Variants in SCAND3 observed in about 807,000 individuals in gnomAD.
SCAND3 encodes the protein SCAN domain-containing protein 3.
chr6:28,597,060 C>T, the SCAND3 span, among the ~76,000 whole-genome samples: 1 of 152,200 alleles, frequency 6.6e-6, no homozygotes, highest in South Asian at 2.1e-4. Flanking sequence ...ACATATATTT[C>T]TTGCCCTTAA....
the SCAND3 span, among the ~76,000 whole-genome samples, chr6:28,588,313 T>C: frequency 2.6e-5 from 4 of 152,204 alleles, no homozygotes; most frequent in South Asian, 8.3e-4. This position sits in a 1 kb window ranked among gnomAD's most constrained non-coding sequence, Gnocchi z 4.1. Context: ...ACTACCTTTT[T>C]CTCATTCTGC....
chr6:28,586,738 G>A, the SCAND3 span: 2 of 1,598,224 alleles, frequency 1.3e-6, no homozygotes, highest in East Asian at 4.5e-5. This position sits in a 1 kb window ranked among gnomAD's most constrained non-coding sequence, Gnocchi z 4.4. Context: ...GACAGCTCAG[G>A]CAAAGGTTCT....
chr6:28,602,259 G>A, the SCAND3 span, among the ~76,000 whole-genome samples: 1 of 152,152 alleles, frequency 6.6e-6, no homozygotes, highest in African/African-American at 2.4e-5. Context: ...ACCCAGGCTG[G>A]AGTGCAGTGG....
the SCAND3 span, among the ~76,000 whole-genome samples, chr6:28,598,876 C>CAAAAAA: frequency 4.0e-5 from 3 of 74,290 alleles, no homozygotes; most frequent in Non-Finnish European, 5.5e-5. Flanking sequence ...GACTATGTCT[C>CAAAAAA]AAAAAAAAAA....
At chr6:28,606,809 G>C in the SCAND3 span, among the ~76,000 whole-genome samples, 1 of 152,178 alleles carries the variant, frequency 6.6e-6, no homozygotes, top group Non-Finnish European at 1.5e-5. Context: ...ACTGGAACTC[G>C]GTAGGCGAGG....
chr6:28,577,939 G>A, the SCAND3 span, among the ~76,000 whole-genome samples: 2 of 152,118 alleles, frequency 1.3e-5, no homozygotes, highest in African/African-American at 4.8e-5. Flanking sequence ...ATTGATTTAT[G>A]ACTTTGCTTG....
chr6:28,572,975 C>G, the SCAND3 span: 1 of 1,613,736 alleles, frequency 6.2e-7, no homozygotes, highest in Non-Finnish European at 8.5e-7. This position sits in a 1 kb window ranked among gnomAD's most constrained non-coding sequence, Gnocchi z 4.1. Context: ...GAAGCTGCAC[C>G]ATCAGAACAT....
the SCAND3 span, among the ~76,000 whole-genome samples, chr6:28,601,215 A>C: frequency 6.6e-6 from 1 of 152,078 alleles, no homozygotes; most frequent in African/African-American, 2.4e-5. Flanking sequence ...ACATGTGCCC[A>C]TTTTTTAAAA....
the SCAND3 span, chr6:28,574,950 A>C: frequency 6.2e-7 from 1 of 1,613,706 alleles, no homozygotes; most frequent in South Asian, 1.1e-5. Flanking sequence ...CCACCTTAGG[A>C]GTGACAGAAA....
At chr6:28,586,322 CCT>C in the SCAND3 span, 1 of 1,609,900 alleles carries the variant, frequency 6.2e-7, no homozygotes, top group Non-Finnish European at 8.5e-7. This position sits in a 1 kb window ranked among gnomAD's most constrained non-coding sequence, Gnocchi z 4.4. Flanking sequence ...CATCAAGCTC[CCT>C]CTCCAAATCT....
At chr6:28,582,978 A>G in the SCAND3 span, among the ~76,000 whole-genome samples, 1 of 152,144 alleles carries the variant, frequency 6.6e-6, no homozygotes, top group Admixed American at 6.5e-5. The surrounding 1 kb of genome is among the most constrained non-coding windows in gnomAD (Gnocchi z 4.8). Context: ...TCTAGTAAAA[A>G]TATAAGACAT....
At chr6:28,595,487 C>T in the SCAND3 span, among the ~76,000 whole-genome samples, 1 of 151,918 alleles carries the variant, frequency 6.6e-6, no homozygotes, top group Non-Finnish European at 1.5e-5. Flanking sequence ...CTTTGGGAGG[C>T]CGAAACGGGC....
chr6:28,591,466 G>A, the SCAND3 span: 1 of 152,138 alleles, frequency 6.6e-6, no homozygotes, highest in Non-Finnish European at 1.5e-5. Context: ...TCCTTGGCTT[G>A]TCCAGCCCAA....
chr6:28,576,112 A>T, the SCAND3 span: 1 of 1,577,842 alleles, frequency 6.3e-7, no homozygotes, highest in South Asian at 1.2e-5. Flanking sequence ...GCTTTGAGAC[A>T]TCATGGAAAA....
At chr6:28,603,353 A>G in the SCAND3 span, among the ~76,000 whole-genome samples, 1 of 152,212 alleles carries the variant, frequency 6.6e-6, no homozygotes, top group African/African-American at 2.4e-5. Context: ...TTTTATTTCA[A>G]CACTTCCAAA....
At chr6:28,607,055 AT>A in the SCAND3 span, among the ~76,000 whole-genome samples, 1 of 152,248 alleles carries the variant, frequency 6.6e-6, no homozygotes, top group Non-Finnish European at 1.5e-5. Context: ...TGTTTCACAA[AT>A]TGCGGAGTTT....
chr6:28,609,845 G>A, the SCAND3 span, among the ~76,000 whole-genome samples: 1 of 152,184 alleles, frequency 6.6e-6, no homozygotes, highest in South Asian at 2.1e-4. Context: ...TGGAGATACA[G>A]CAATGTGTTT....
the SCAND3 span, among the ~76,000 whole-genome samples, chr6:28,602,607 C>T: frequency 2.8e-3 from 419 of 152,270 alleles, 4 homozygotes; most frequent in African/African-American, 9.9e-3. Flanking sequence ...ATGATTTTGG[C>T]ATGTTTCTAG....
At chr6:28,582,675 C>A in the SCAND3 span, among the ~76,000 whole-genome samples, 1 of 152,170 alleles carries the variant, frequency 6.6e-6, no homozygotes, top group African/African-American at 2.4e-5. This position sits in a 1 kb window ranked among gnomAD's most constrained non-coding sequence, Gnocchi z 4.8. Flanking sequence ...GTACTCCCAG[C>A]ACTTTGGGAG....
Sources: allele counts gnomAD v4.1 joint callset (sites outside exome capture counted in the v4.1 genomes callset), GRCh38; gene constraint gnomAD v4.1.1; non-coding constraint Gnocchi (gnomAD v3.1); transcripts MANE v1.5; gene names NCBI Gene and HGNC (gene_info 2026-07-23, HGNC 2026-07-21).